PLXNA4: variants seen among roughly 807,000 people sequenced by gnomAD.
The protein encoded by PLXNA4 is plexin A4, also known as plexin-A4.
In PLXNA4, 44 loss-of-function variants were observed where a neutral mutation model predicts 191.8. The observed-to-expected ratio is 0.23, with a 90% CI of 0.18 to 0.29. PLXNA4 has a LOEUF of 0.29. PLXNA4 is among the 10% of genes least tolerant of loss of function. The pLI, the probability that PLXNA4 is intolerant of heterozygous loss-of-function variation, is 1.00. For synonymous variants in PLXNA4, 1,082 were observed against 1,009.5 expected (o/e 1.07, Z -1.36); for missense variants, 1,800 against 2,488.8 (o/e 0.72, Z 5.89).
intron 2 of PLXNA4, among the ~76,000 whole-genome samples, chr7:132,495,857 G>A (rs1315171579): frequency 1.3e-5 from 2 of 152,242 alleles, no homozygotes; most frequent in African/African-American, 2.4e-5. Context: ...CGTTCAGCAA[G>A]GGAAATAGGC....
intron 29 of PLXNA4, among the ~76,000 whole-genome samples, chr7:132,143,698 C>T (rs893295261): frequency 2.6e-5 from 4 of 152,320 alleles, no homozygotes; most frequent in African/African-American, 7.2e-5. Flanking sequence ...TTAAACGCAT[C>T]TTACCTAAAG....
chr7:132,150,153 C>T (rs572333302), intron 25 of PLXNA4, among the ~76,000 whole-genome samples: 1 of 152,306 alleles, frequency 6.6e-6, no homozygotes, highest in African/African-American at 2.4e-5. Flanking sequence ...GTGGATGTCA[C>T]AGCTGGGATT....
At chr7:132,222,608 G>C (rs557770926) in intron 9 of PLXNA4, among the ~76,000 whole-genome samples, 1 of 152,200 alleles carries the variant, frequency 6.6e-6, no homozygotes, top group Admixed American at 6.5e-5. Flanking sequence ...AAGACTAGGG[G>C]TTGCAGGTGA....
intron 2 of PLXNA4, among the ~76,000 whole-genome samples, chr7:132,627,307 G>C (rs1447278009): frequency 6.6e-6 from 1 of 152,082 alleles, no homozygotes; most frequent in Non-Finnish European, 1.5e-5. Context: ...TGAAGGTTTA[G>C]ATCTTTTACA....
chr7:132,448,010 TA>T (rs1331568946), intron 3 of PLXNA4, among the ~76,000 whole-genome samples: 2 of 152,138 alleles, frequency 1.3e-5, no homozygotes, highest in South Asian at 2.1e-4. Flanking sequence ...GATCTTGTCT[TA>T]AAAAACAACA....
chr7:132,175,119 T>C (rs1043941650), intron 20 of PLXNA4, among the ~76,000 whole-genome samples, 199 bp from the exon 21 acceptor site: 13 of 152,262 alleles, frequency 8.5e-5, no homozygotes, highest in Non-Finnish European at 1.5e-4. Context: ...GAGAAAGATG[T>C]AGTGCAAGAA....
At chr7:132,403,261 T>C (rs1394844526) in intron 3 of PLXNA4, among the ~76,000 whole-genome samples, 2 of 152,240 alleles carry the variant, frequency 1.3e-5, no homozygotes, top group African/African-American at 2.4e-5. Context: ...GGCAATGCAC[T>C]GCCCCCTCAG....
chr7:132,496,594 G>T (rs1467850931), intron 2 of PLXNA4, among the ~76,000 whole-genome samples: 1 of 152,090 alleles, frequency 6.6e-6, no homozygotes, highest in Non-Finnish European at 1.5e-5. Context: ...TAGAGACGGG[G>T]TTTCACTATG....
chr7:132,507,022 A>G (rs1399388210), intron 2 of PLXNA4, among the ~76,000 whole-genome samples: 2 of 152,202 alleles, frequency 1.3e-5, no homozygotes, highest in Non-Finnish European at 1.5e-5. Flanking sequence ...CTGAAATTCC[A>G]TATCTATCCC....
At chr7:132,252,862 A>G (rs1799303899) in intron 4 of PLXNA4, among the ~76,000 whole-genome samples, 1 of 152,152 alleles carries the variant, frequency 6.6e-6, no homozygotes, top group Admixed American at 6.5e-5. Context: ...ATCGTGGCAC[A>G]TCTACACTCT....
chr7:132,563,979 CCTT>C (rs1288040595), intron 1 of PLXNA4, among the ~76,000 whole-genome samples: 3 of 39,274 alleles, frequency 7.6e-5, no homozygotes, highest in Admixed American at 2.9e-4. Flanking sequence ...TCCTCCTCCT[CCTT>C]CTCCTCCTCC....
At chr7:132,647,724 A>T (rs1803905113) in intron 1 of PLXNA4, among the ~76,000 whole-genome samples, 1 of 151,596 alleles carries the variant, frequency 6.6e-6, no homozygotes, top group African/African-American at 2.4e-5. Context: ...CAATATACTC[A>T]CATACATTCA....
In PLXNA4 at chr7:132,127,843, CA is replaced by C. The variant is rs1794813138; in HGVS notation, c.*2635del. ...GAGGTGTTTGAAATTTTTCTTATAA[CA>C]AAAACATGGAATAAAATAAAGTCCT... is the stretch of plus-strand genomic sequence containing the variant. On this transcript the variant is annotated 3_prime_UTR_variant, in exon 32 of 32. Coordinates refer to ENST00000321063, the MANE Select transcript of PLXNA4 (RefSeq NM_020911.2). 6.8e-6 allele frequency: 1 copy of C among 147,788 alleles called. No individual in the cohort carries two copies. Among genetic ancestry groups the C allele is most frequent in the African/African-American group, 2.4e-5 (1 of 41,202 alleles). The allele number at this position is 147,788 out of a possible 1,614,324, so 9.2% of individuals were successfully genotyped here.
intron 3 of PLXNA4, among the ~76,000 whole-genome samples, chr7:132,325,968 C>T (rs188047380): frequency 8.7e-4 from 133 of 152,282 alleles, no homozygotes; most frequent in Non-Finnish European, 1.6e-3. Context: ...CTTAATCCTA[C>T]GTGTCAACCT....
At position 132,489,493 on chromosome 7, in the gene PLXNA4, G is replaced by T; in HGVS notation, c.1189-19C>A. 6.6e-7 allele frequency: 1 copy of T among 1,525,758 alleles called. No homozygotes were observed. Among genetic ancestry groups the T allele is most frequent in the Non-Finnish European group, 8.9e-7 (1 of 1,118,706 alleles). 94.5% of individuals were successfully genotyped at this position (1,525,758 alleles called of 1,614,324 possible). Reference sequence around the variant, plus strand: ...TTAAGAGCTGCAAATTTTAAAAAGAGAAAAATTAGAAGGGAGCGTCAAGGA... The same window carrying T: ...TTAAGAGCTGCAAATTTTAAAAAGATAAAAATTAGAAGGGAGCGTCAAGGA... On this transcript the variant is annotated intron_variant, in intron 2 of 31. Coordinates refer to ENST00000321063, the MANE Select transcript of PLXNA4 (RefSeq NM_020911.2).
chr7:132,265,454 G>T (rs717005), intron 4 of PLXNA4, among the ~76,000 whole-genome samples: 24,198 of 152,136 alleles, frequency 0.16, 2,537 homozygotes, highest in African/African-American at 0.29. Context: ...ATTGAATATG[G>T]TCAATTGGCA....
At chr7:132,563,952 T>TC (rs1801553954) in intron 1 of PLXNA4, among the ~76,000 whole-genome samples, 1 of 77,616 alleles carries the variant, frequency 1.3e-5, no homozygotes, top group Non-Finnish European at 2.5e-5. Flanking sequence ...CCTCCTCCTT[T>TC]TCCTCCCCAT....
At chr7:132,620,990 C>T (rs1803249341) in intron 2 of PLXNA4, among the ~76,000 whole-genome samples, 1 of 152,030 alleles carries the variant, frequency 6.6e-6, no homozygotes, top group African/African-American at 2.4e-5. Flanking sequence ...GAGAGATCAT[C>T]TCTCTCATGT....
At chr7:132,362,951 A>G (rs1302401498) in intron 3 of PLXNA4, among the ~76,000 whole-genome samples, 1 of 152,222 alleles carries the variant, frequency 6.6e-6, no homozygotes, top group Non-Finnish European at 1.5e-5. Context: ...TCACACTGCT[A>G]TGTAACTATT....
Sources: allele counts gnomAD v4.1 joint callset (sites outside exome capture counted in the v4.1 genomes callset), GRCh38; gene constraint gnomAD v4.1.1; transcripts MANE v1.5; gene names NCBI Gene and HGNC (gene_info 2026-07-23, HGNC 2026-07-21).